LDLRAD4: variants seen among roughly 807,000 people sequenced by gnomAD.
LDLRAD4 encodes low density lipoprotein receptor class A domain containing 4, also known as low-density lipoprotein receptor class A domain-containing protein 4.
In LDLRAD4, 5 loss-of-function variants were observed where a neutral mutation model predicts 17.0. That is an observed-to-expected ratio of 0.29 (90% confidence interval 0.15 to 0.62). The LOEUF (loss-of-function observed/expected upper bound fraction) is 0.62, where lower values mean the gene tolerates loss of function less well. Ranked by LOEUF, LDLRAD4 falls within the 20% of genes least tolerant of loss-of-function variation. The probability of loss-of-function intolerance (pLI) is 0.84; values close to 1 mark genes in which losing one functional copy is unlikely to be tolerated. For synonymous variants in LDLRAD4, 168 were observed against 171.8 expected, an observed-to-expected ratio of 0.98 and a Z score of 0.17; for missense variants, 340 against 424.7, an observed-to-expected ratio of 0.80 and a Z score of 1.75.
chr18:13,562,273 T>C (rs2094549676), intron 3 of LDLRAD4, among the ~76,000 whole-genome samples: 1 of 152,210 alleles, frequency 6.6e-6, no homozygotes, highest in African/African-American at 2.4e-5. Context: ...TGTCATGGAA[T>C]CACCATCCTT....
chr18:13,401,582 C>T (rs532904209), intron 2 of LDLRAD4, among the ~76,000 whole-genome samples: 6 of 152,248 alleles, frequency 3.9e-5, no homozygotes, highest in South Asian at 4.1e-4. Context: ...TCACCCACCC[C>T]GTAGTGGAGA....
chr18:13,539,549 C>CCA (rs2094246820), intron 3 of LDLRAD4, among the ~76,000 whole-genome samples: 2 of 152,170 alleles, frequency 1.3e-5, no homozygotes, highest in African/African-American at 4.8e-5. Context: ...CACCCCCTTT[C>CCA]CTCCTCTTTC....
chr18:13,637,871 CAAAAAAA>C (rs555640548), intron 4 of LDLRAD4, among the ~76,000 whole-genome samples: 1 of 71,698 alleles, frequency 1.4e-5, no homozygotes. Context: ...GTCTCAACAA[CAAAAAAA>C]AAAAAAAAAA....
At chr18:13,564,626 C>G (rs1463010435) in intron 3 of LDLRAD4, among the ~76,000 whole-genome samples, 1 of 151,088 alleles carries the variant, frequency 6.6e-6, no homozygotes, top group Non-Finnish European at 1.5e-5. Context: ...AAGCCCAAGC[C>G]TTTGTGGGGT....
chr18:13,605,187 G>A (rs2095210715), intron 3 of LDLRAD4, among the ~76,000 whole-genome samples: 1 of 152,214 alleles, frequency 6.6e-6, no homozygotes, highest in Non-Finnish European at 1.5e-5. Flanking sequence ...TAAGAAGGAT[G>A]CCAAATATTC....
At chr18:13,501,448 T>C (rs1259140986) in intron 3 of LDLRAD4, among the ~76,000 whole-genome samples, 1 of 152,202 alleles carries the variant, frequency 6.6e-6, no homozygotes, top group African/African-American at 2.4e-5. Context: ...TGCCGACGGC[T>C]GCATGGCCCA....
intron 4 of LDLRAD4, among the ~76,000 whole-genome samples, chr18:13,635,812 T>G (rs1222902679): frequency 2.6e-5 from 4 of 152,230 alleles, no homozygotes; most frequent in Non-Finnish European, 5.9e-5. Flanking sequence ...TCCCTGGGTC[T>G]GGGCAGCCAT....
chr18:13,265,788 C>A (rs2044181866), intron 1 of LDLRAD4, among the ~76,000 whole-genome samples: 1 of 152,086 alleles, frequency 6.6e-6, no homozygotes, highest in Non-Finnish European at 1.5e-5. Flanking sequence ...CTGAAGTCAT[C>A]TCCTGTTGGG....
chr18:13,644,731 C>A, intron 5 of LDLRAD4: 1 of 183,424 alleles, frequency 5.5e-6, no homozygotes, highest in Admixed American at 5.7e-5. Flanking sequence ...GAGGACTGGA[C>A]GATGTCACTG....
At chr18:13,334,092 AG>A (rs1187294829) in intron 1 of LDLRAD4, among the ~76,000 whole-genome samples, 1 of 152,082 alleles carries the variant, frequency 6.6e-6, no homozygotes, top group Admixed American at 6.5e-5. Context: ...AGAGTTTTAT[AG>A]TTTTCTCCAT....
At chr18:13,237,033 C>A (rs1042262359) in intron 1 of LDLRAD4, among the ~76,000 whole-genome samples, 6 of 152,196 alleles carry the variant, frequency 3.9e-5, no homozygotes, top group African/African-American at 1.4e-4. Flanking sequence ...ACTTAAGAAG[C>A]AGCAGGTGTC....
chr18:13,313,793 C>A (rs1290910641), intron 1 of LDLRAD4, among the ~76,000 whole-genome samples: 1 of 150,698 alleles, frequency 6.6e-6, no homozygotes, highest in East Asian at 1.9e-4. Context: ...TGTACCTGTG[C>A]CTTGTGAAAA....
At chr18:13,275,825 A>T (rs1188178663), upstream of LDLRAD4, among the ~76,000 whole-genome samples, 1 of 152,222 alleles carries the variant, frequency 6.6e-6, no homozygotes, top group Non-Finnish European at 1.5e-5. Flanking sequence ...AGTGTTAGGG[A>T]TGCCAGGATG....
At chr18:13,643,403 C>T (rs751269512) in exon 5 of LDLRAD4, 2 of 1,285,638 alleles carry the variant, frequency 1.6e-6, no homozygotes, top group South Asian at 5.1e-5. Flanking sequence ...CGCGGCTGGG[C>T]GCCTCGGAGG....
At chr18:13,652,053 A>G (rs1269715350) in exon 6 of LDLRAD4, 4 of 152,136 alleles carry the variant, frequency 2.6e-5, no homozygotes, top group African/African-American at 4.8e-5. Flanking sequence ...TCCATCGTAT[A>G]CTGTAGGGTG....
At chr18:13,239,186 C>CAA (rs35736846) in intron 1 of LDLRAD4, among the ~76,000 whole-genome samples, 11,252 of 121,180 alleles carry the variant, frequency 0.093, 950 homozygotes, top group African/African-American at 0.22. Context: ...GACTCTGTCT[C>CAA]AAAAAAAAAA....
intron 3 of LDLRAD4, among the ~76,000 whole-genome samples, chr18:13,541,414 G>A (rs887733426): frequency 6.6e-6 from 1 of 152,216 alleles, no homozygotes; most frequent in African/African-American, 2.4e-5. Flanking sequence ...TCAGTGAGAA[G>A]CATTTGCTCA....
chr18:13,380,208 C>T (rs1025696694), intron 1 of LDLRAD4, among the ~76,000 whole-genome samples: 1 of 152,250 alleles, frequency 6.6e-6, no homozygotes, highest in Non-Finnish European at 1.5e-5. Context: ...TTCCCATTCC[C>T]TTGTGCATGT....
At chr18:13,626,741 C>T (rs1018929608) in intron 4 of LDLRAD4, among the ~76,000 whole-genome samples, 2 of 152,254 alleles carry the variant, frequency 1.3e-5, no homozygotes, top group Non-Finnish European at 1.5e-5. Flanking sequence ...CTGGGCTCCT[C>T]CAGCTCCCTG....
Sources: gnomAD v4.1 joint callset for allele counts (sites outside exome capture counted in the v4.1 genomes callset) on GRCh38, gnomAD v4.1.1 for gene constraint, MANE v1.5 for transcripts, NCBI Gene and HGNC (gene_info 2026-07-23, HGNC 2026-07-21) for gene names.